The following BFSP2 variants were observed in gnomAD, a reference collection of about 807,000 sequenced individuals.
BFSP2 encodes beaded filament structural protein 2.
Under a neutral mutation model 44.9 loss-of-function variants are expected in BFSP2, and 38 were observed. The observed-to-expected ratio is 0.85, with a 90% CI of 0.65 to 1.11. The LOEUF is 1.11. Among genes scored for constraint, BFSP2 ranks in the 50% least tolerant of loss-of-function variants. The probability of loss-of-function intolerance (pLI) is 0.00; values close to 1 mark genes in which losing one functional copy is unlikely to be tolerated. For missense variants in BFSP2, 525 were observed against 533.0 expected (o/e 0.99, Z 0.15); for synonymous variants, 197 against 209.9 (o/e 0.94, Z 0.53).
At chr3:133,404,349 C>G (rs1300213545) in intron 1 of BFSP2, among the ~76,000 whole-genome samples, 1 of 152,148 alleles carries the variant, frequency 6.6e-6, no homozygotes, top group African/African-American at 2.4e-5. Context: ...CCTGGGAGCC[C>G]CTTCTGACAC....
Position 133,400,332 on chromosome 3 carries a change from C to T in BFSP2, c.249C>T (p.Val83=). The change falls in exon 1 of 7, where the codon GTC becomes GTT. Residue 83 remains valine (V), a synonymous_variant. Transcript: ENST00000302334. The surrounding 1 kb of genome is among the most constrained non-coding windows in gnomAD (Gnocchi z 4.0). The part of the protein sequence containing the change: ...VTRRALGISS[V]FLQGLRSSGL... ...GCCGGGCCCTCGGCATCAGCAGTGTCTTCCTTCAGGGCCTGCGGAGCTCAG... is the reference window on the plus strand; with the variant it reads ...GCCGGGCCCTCGGCATCAGCAGTGTTTTCCTTCAGGGCCTGCGGAGCTCAG... 5 of 1,614,044 alleles carry T rather than the reference C, an allele frequency of 3.1e-6. No individual in the cohort carries two copies. Among genetic ancestry groups the T allele is most frequent in the Non-Finnish European group, 4.2e-6 (5 of 1,180,046 alleles).
At chr3:133,435,013 C>T (rs551467694) in intron 1 of BFSP2, among the ~76,000 whole-genome samples, 2 of 152,282 alleles carry the variant, frequency 1.3e-5, no homozygotes, top group African/African-American at 4.8e-5. Context: ...GGGAATTTAG[C>T]AATGTTAGTG....
rs2073749010 is a variant in BFSP2, at chr3:133,433,517, C to T, written c.490-13800C>T. On this transcript the variant is annotated intron_variant, in intron 1 of 6. Transcript: ENST00000302334. ...ACCCAGGACTGGCAAATTAGCTTTA[C>T]TCAAAGCCCCGAGTCAGATAACTAA... Among the ~76,000 whole-genome samples the T allele has an allele frequency of 3.9e-5, 6 of 152,312 alleles. No individual in the cohort carries two copies. In the South Asian group the frequency reaches 1.2e-3, roughly 32 times the overall value.
chr3:133,446,740 G>A (rs2073905055), intron 1 of BFSP2, among the ~76,000 whole-genome samples: 1 of 148,002 alleles, frequency 6.8e-6, no homozygotes, highest in South Asian at 2.2e-4. Flanking sequence ...ACTCCTCAAG[G>A]CTCCATGAAA....
At chr3:133,425,478 C>T (rs2073635165) in intron 1 of BFSP2, among the ~76,000 whole-genome samples, 1 of 152,204 alleles carries the variant, frequency 6.6e-6, no homozygotes, top group African/African-American at 2.4e-5. Flanking sequence ...TCTTCCCAGC[C>T]CCTGGGCGAA....
chr3:133,431,888 G>C (rs2073724865), intron 1 of BFSP2, among the ~76,000 whole-genome samples: 1 of 152,046 alleles, frequency 6.6e-6, no homozygotes, highest in Non-Finnish European at 1.5e-5. Context: ...ATTAGGCCGA[G>C]ACACTTTAAA....
intron 1 of BFSP2, among the ~76,000 whole-genome samples, chr3:133,430,126 G>A (rs2073697564): frequency 6.6e-6 from 1 of 151,922 alleles, no homozygotes; most frequent in Non-Finnish European, 1.5e-5. Flanking sequence ...TAGTGTATAT[G>A]TGCCACATTT....
chr3:133,443,123 G>A (rs1158108320), intron 1 of BFSP2, among the ~76,000 whole-genome samples: 2 of 152,172 alleles, frequency 1.3e-5, no homozygotes, highest in Non-Finnish European at 2.9e-5. Context: ...GCCTCCCAAA[G>A]TGCTGGGATT....
intron 1 of BFSP2, among the ~76,000 whole-genome samples, chr3:133,446,103 A>G (rs1402885688): frequency 6.6e-6 from 1 of 152,170 alleles, no homozygotes; most frequent in African/African-American, 2.4e-5. Context: ...TGGAACAGAA[A>G]TGATTAGCTT....
At chr3:133,470,040 GA>G (rs1454056447) in intron 5 of BFSP2, among the ~76,000 whole-genome samples, 3 of 152,198 alleles carry the variant, frequency 2.0e-5, no homozygotes, top group African/African-American at 7.2e-5. Context: ...AACAAAGAGA[GA>G]AAACCCAGGG....
At chr3:133,409,827 T>TG (rs1385205876) in intron 1 of BFSP2, 7 of 152,258 alleles carry the variant, frequency 4.6e-5, no homozygotes, top group Non-Finnish European at 1.0e-4. Flanking sequence ...ACAGAACTCC[T>TG]GTGCTCAGGA....
chr3:133,465,258 C>T (rs1232271924), intron 4 of BFSP2, among the ~76,000 whole-genome samples: 1 of 151,960 alleles, frequency 6.6e-6, no homozygotes, highest in Admixed American at 6.5e-5. Context: ...CCACCCACCT[C>T]GGCCTCCCAA....
At chr3:133,451,449 C>T (rs2073964926) in intron 4 of BFSP2, among the ~76,000 whole-genome samples, 1 of 152,224 alleles carries the variant, frequency 6.6e-6, no homozygotes, top group Non-Finnish European at 1.5e-5. Context: ...TGTAACTCCT[C>T]AGCGCTGCCA....
chr3:133,418,368 G>C (rs2073564177), intron 1 of BFSP2, among the ~76,000 whole-genome samples: 1 of 152,134 alleles, frequency 6.6e-6, no homozygotes, highest in Admixed American at 6.5e-5. Context: ...GCCTTGTTTT[G>C]TTCATCTGCG....
intron 1 of BFSP2, among the ~76,000 whole-genome samples, chr3:133,425,776 A>AGGGAAGGGAC (rs1553779071): frequency 2.8e-5 from 1 of 35,504 alleles, no homozygotes; most frequent in African/African-American, 2.3e-4. Context: ...GGAAAGGGAA[A>AGGGAAGGGAC]GGGAAAGGGA....
chr3:133,441,237 T>C (rs1022096650), intron 1 of BFSP2, among the ~76,000 whole-genome samples: 1 of 152,068 alleles, frequency 6.6e-6, no homozygotes, highest in Non-Finnish European at 1.5e-5. Flanking sequence ...GGTTTTGCCA[T>C]GTTGGCCAGG....
chr3:133,453,352 G>A (rs1185241775), intron 4 of BFSP2, among the ~76,000 whole-genome samples: 1 of 152,066 alleles, frequency 6.6e-6, no homozygotes, highest in Non-Finnish European at 1.5e-5. Context: ...ATTACCTTTC[G>A]GACCACAGAG....
chr3:133,452,630 C>T (rs2073976050), intron 4 of BFSP2, among the ~76,000 whole-genome samples: 1 of 152,152 alleles, frequency 6.6e-6, no homozygotes, highest in South Asian at 2.1e-4. Context: ...AACTGAGACC[C>T]AGAGAGTGCA....
At chr3:133,447,005 T>A (rs1472587699) in intron 1 of BFSP2, among the ~76,000 whole-genome samples, 3 of 152,072 alleles carry the variant, frequency 2.0e-5, no homozygotes, top group African/African-American at 7.2e-5. Flanking sequence ...GGAGCCGGAC[T>A]CTGCCCTGGA....
Sources: gnomAD v4.1 joint callset for allele counts (sites outside exome capture counted in the v4.1 genomes callset) on GRCh38, gnomAD v4.1.1 for gene constraint, Gnocchi (gnomAD v3.1) non-coding constraint, MANE v1.5 for transcripts, NCBI Gene and HGNC (gene_info 2026-07-23, HGNC 2026-07-21) for gene names.